Variants in ZNF385D observed in about 807,000 individuals in gnomAD.
ZNF385D encodes zinc finger protein 385D, also known as zinc finger protein 659.
Under a neutral mutation model 35.8 loss-of-function variants are expected in ZNF385D, and 15 were observed. The ratio of observed to expected loss-of-function variants is 0.42; its 90% CI spans 0.28 to 0.64. ZNF385D has a LOEUF of 0.64. ZNF385D is among the 30% of genes least tolerant of loss of function. The pLI, the probability that ZNF385D is intolerant of heterozygous loss-of-function variation, is 0.23. For synonymous variants in ZNF385D, 212 were observed against 186.8 expected, an observed-to-expected ratio of 1.13 and a Z score of -1.10; for missense variants, 474 against 494.6, an observed-to-expected ratio of 0.96 and a Z score of 0.39.
In ZNF385D at chr3:22,306,109, C is replaced by T. The variant is rs201808506; in HGVS notation, c.106+66341G>A. Among the ~76,000 whole-genome samples, 716 of 152,168 alleles carry T rather than the reference C, an allele frequency of 4.7e-3. 1 individual carries two copies. The highest frequency in any genetic ancestry group is 9.5e-3 in the African/African-American group (395 of 41,544). ...AACTACAAAAGTCAGAATTCTCTTT[C>T]GTATTTTCTTCTTCTTAATTTGAGT... is the stretch of plus-strand genomic sequence containing the variant. On this transcript the variant is annotated intron_variant, in intron 2 of 5. Coordinates refer to the ZNF385D transcript ENST00000494108.
At chr3:21,835,793 A>G (rs762007705) in intron 3 of ZNF385D, among the ~76,000 whole-genome samples, 2 of 152,114 alleles carry the variant, frequency 1.3e-5, no homozygotes, top group East Asian at 1.9e-4. Context: ...AAAAAATATT[A>G]TTCTAGGCCT....
rs997714695 is a variant in ZNF385D, at chr3:22,148,021, C to T, written c.325+20796G>A. 2.6e-5 allele frequency among the ~76,000 whole-genome samples: 4 copies of T among 152,098 alleles called. No individual in the cohort carries two copies. In the East Asian group the frequency reaches 7.7e-4, roughly 29 times the overall value. On this transcript the variant is annotated intron_variant, in intron 3 of 5. Transcript: ENST00000494108. ...CATTTCTGGGATAATTGCTTTATAACTCCTTATTATAAAAATGTAGTTTGA... is the reference window on the plus strand; with the variant it reads ...CATTTCTGGGATAATTGCTTTATAATTCCTTATTATAAAAATGTAGTTTGA...
intron 3 of ZNF385D, among the ~76,000 whole-genome samples, chr3:21,866,392 T>G (rs9857867): frequency 3.3e-5 from 5 of 152,082 alleles, no homozygotes; most frequent in African/African-American, 1.2e-4. Flanking sequence ...AGGTGGAGGT[T>G]GCAGTGAGCC....
chr3:21,676,928 G>C (rs892420480), intron 1 of ZNF385D, among the ~76,000 whole-genome samples: 1 of 151,888 alleles, frequency 6.6e-6, no homozygotes, highest in Non-Finnish European at 1.5e-5. Context: ...ACATTCAAAT[G>C]GCCAGAAGGC....
chr3:22,186,435 T>A (rs1282257502), intron 2 of ZNF385D, among the ~76,000 whole-genome samples: 6 of 152,186 alleles, frequency 3.9e-5, no homozygotes, highest in African/African-American at 1.4e-4. Context: ...CACTCTTCAG[T>A]GGAGATAAGT....
At chr3:21,856,901 A>G (rs1696743989) in intron 3 of ZNF385D, among the ~76,000 whole-genome samples, 1 of 152,242 alleles carries the variant, frequency 6.6e-6, no homozygotes, top group East Asian at 1.9e-4. Flanking sequence ...TCTTTTTAAA[A>G]ACGTCCAAGG....
At chr3:21,991,447 G>T (rs1441579686) in intron 3 of ZNF385D, among the ~76,000 whole-genome samples, 1 of 152,068 alleles carries the variant, frequency 6.6e-6, no homozygotes, top group African/African-American at 2.4e-5. Flanking sequence ...AAACATTTGG[G>T]GTATGTATGT....
chr3:21,930,599 G>T (rs762427682), intron 3 of ZNF385D, among the ~76,000 whole-genome samples: 10 of 151,950 alleles, frequency 6.6e-5, no homozygotes, highest in Non-Finnish European at 1.3e-4. Context: ...ATAAAGCTAC[G>T]ATAATCAAGG....
intron 3 of ZNF385D, among the ~76,000 whole-genome samples, chr3:22,130,468 A>G (rs369160240): frequency 1.5e-4 from 23 of 152,242 alleles, no homozygotes; most frequent in African/African-American, 5.1e-4. Context: ...CTAGAACTCC[A>G]GTTCTGATAA....
intron 3 of ZNF385D, among the ~76,000 whole-genome samples, chr3:21,935,971 T>A (rs1335101634): frequency 6.6e-6 from 1 of 152,024 alleles, no homozygotes. Context: ...TGCAACAGAA[T>A]AGGGGAACAA....
intron 2 of ZNF385D, among the ~76,000 whole-genome samples, chr3:21,642,290 G>A (rs1379663979): frequency 6.6e-6 from 1 of 152,054 alleles, no homozygotes; most frequent in Non-Finnish European, 1.5e-5. Flanking sequence ...CTCTGCAGCA[G>A]AGAAAGCCCT....
intron 1 of ZNF385D, among the ~76,000 whole-genome samples, chr3:21,697,273 T>A (rs74498078): frequency 0.01 from 1,550 of 152,270 alleles, 21 homozygotes; most frequent in African/African-American, 0.035. Context: ...CAACAGTGAA[T>A]AACATAGATT....
At chr3:21,810,334 T>A (rs565742026) in intron 3 of ZNF385D, among the ~76,000 whole-genome samples, 4 of 151,790 alleles carry the variant, frequency 2.6e-5, no homozygotes, top group African/African-American at 9.7e-5. Flanking sequence ...GATATCACCA[T>A]TACTTAAAAA....
At chr3:22,082,653 G>A (rs572794025) in intron 3 of ZNF385D, among the ~76,000 whole-genome samples, 9 of 152,270 alleles carry the variant, frequency 5.9e-5, no homozygotes, top group East Asian at 3.9e-4. Flanking sequence ...CAGCAGAAAC[G>A]TCTGCAGACT....
intron 3 of ZNF385D, among the ~76,000 whole-genome samples, chr3:21,939,093 A>T (rs918217210): frequency 3.9e-5 from 6 of 152,164 alleles, no homozygotes; most frequent in African/African-American, 1.4e-4. Context: ...GGGAGTTAAA[A>T]ATGTCGGTAA....
At chr3:21,930,364 A>G (rs1320938241) in intron 3 of ZNF385D, among the ~76,000 whole-genome samples, 3 of 151,998 alleles carry the variant, frequency 2.0e-5, no homozygotes, top group Non-Finnish European at 4.4e-5. Flanking sequence ...AAAAGAACTT[A>G]TCATCTTAAT....
intron 3 of ZNF385D, among the ~76,000 whole-genome samples, chr3:22,123,959 TC>T (rs1242626814): frequency 1.2e-5 from 1 of 84,692 alleles, no homozygotes. Context: ...TCTCTCTCTC[TC>T]TCTATATATA....
chr3:21,760,548 C>A (rs1349345602), intron 3 of ZNF385D, among the ~76,000 whole-genome samples: 1 of 152,160 alleles, frequency 6.6e-6, no homozygotes, highest in Non-Finnish European at 1.5e-5. Context: ...ATTATAAAAT[C>A]ATGGGAAACA....
chr3:21,436,041 T>A (rs1233190550), intron 5 of ZNF385D, among the ~76,000 whole-genome samples: 2 of 152,208 alleles, frequency 1.3e-5, no homozygotes, highest in African/African-American at 4.8e-5. Flanking sequence ...TCTATTATAG[T>A]TGCTGACAGA....
Sources: gnomAD v4.1 joint callset for allele counts (sites outside exome capture counted in the v4.1 genomes callset) on GRCh38, gnomAD v4.1.1 for gene constraint, MANE v1.5 for transcripts, NCBI Gene and HGNC (gene_info 2026-07-23, HGNC 2026-07-21) for gene names.